The following MS4A15 variants were observed in gnomAD, a reference collection of about 807,000 sequenced individuals.
MS4A15 encodes membrane-spanning 4-domains subfamily A member 15.
A neutral mutation model predicts 20.6 loss-of-function variants in MS4A15; 22 were observed. That is an observed-to-expected ratio of 1.07 (90% CI 0.76 to 1.52). MS4A15 has a LOEUF of 1.52. Ranked by LOEUF, MS4A15 falls within the 40% of genes most tolerant of loss-of-function variation. The pLI is 0.00. For synonymous variants in MS4A15, 129 were observed against 129.3 expected (o/e 1.00, Z 0.02); for missense variants, 312 against 323.0 (o/e 0.97, Z 0.26).
At position 60,768,927 on chromosome 11, in the gene MS4A15, G is replaced by A. The variant is rs941189801; in HGVS notation, c.348+1272G>A. On this transcript the variant is annotated intron_variant, in intron 3 of 6. Transcript: ENST00000405633. ...AAAATCCACCAGAATGGGGTTCAGGGAGGACAAATGGCTGACACATCACAA... is the reference window on the plus strand; with the variant it reads ...AAAATCCACCAGAATGGGGTTCAGGAAGGACAAATGGCTGACACATCACAA... Among the ~76,000 whole-genome samples, 26 of 152,294 alleles carry A rather than the reference G, an allele frequency of 1.7e-4. 1 individual carries two copies. Among genetic ancestry groups the A allele is most frequent in the African/African-American group, 6.0e-4 (25 of 41,562 alleles).
rs147660445 is a variant in MS4A15 at position 60,770,315 on chromosome 11, TC to T, written c.349-974del. Reference sequence around the variant, plus strand: ...AGTCTTCCCCAATTAGAATATAAGTTCCGGCCGGGCACGGTGGCTGATGACT... The same window carrying T: ...AGTCTTCCCCAATTAGAATATAAGTTCGGCCGGGCACGGTGGCTGATGACT... On this transcript the variant is annotated intron_variant, in intron 3 of 6. Transcript: ENST00000405633. 2.7e-3 allele frequency among the ~76,000 whole-genome samples: 418 copies of T among 152,148 alleles called. 7 individuals are homozygous for T. The South Asian group carries it at 0.033, about 12-fold the overall frequency.
chr11:60,771,732 G>GC, intron 4 of MS4A15: 1 of 1,248,872 alleles, frequency 8.0e-7, no homozygotes. Context: ...CTGAAACCAC[G>GC]CCTGGCTCCA....
intron 1 of MS4A15, among the ~76,000 whole-genome samples, chr11:60,759,496 A>G (rs1248651336): frequency 2.6e-5 from 4 of 152,184 alleles, no homozygotes; most frequent in African/African-American, 9.7e-5. Flanking sequence ...GTGGGATTGG[A>G]AAGACCTTAC....
chr11:60,757,846 G>T (rs553700304), intron 1 of MS4A15, among the ~76,000 whole-genome samples: 1 of 152,218 alleles, frequency 6.6e-6, no homozygotes, highest in South Asian at 2.1e-4. Flanking sequence ...GACTTAGGAA[G>T]GGAGACTCTG....
chr11:60,773,599 C>A, intron 5 of MS4A15, 115 bp downstream of exon 5: 2 of 883,130 alleles, frequency 2.3e-6, no homozygotes, highest in Non-Finnish European at 3.6e-6. Flanking sequence ...GCCTGCCAGT[C>A]CCTATAGACC....
At chr11:60,762,852 A>T (rs921363931) in intron 1 of MS4A15, among the ~76,000 whole-genome samples, 1 of 152,118 alleles carries the variant, frequency 6.6e-6, no homozygotes, top group African/African-American at 2.4e-5. Flanking sequence ...TGAGAATGTA[A>T]CTCCTTGACC....
At chr11:60,774,070 A>T (rs1051732885) in intron 6 of MS4A15, 120 bp downstream of exon 6, 24 of 741,144 alleles carry the variant, frequency 3.2e-5, no homozygotes, top group Middle Eastern at 3.6e-4. Context: ...GGGAAGCAAT[A>T]AGAAGAGACA....
chr11:60,763,027 G>A (rs187993817), intron 1 of MS4A15, among the ~76,000 whole-genome samples: 47 of 152,258 alleles, frequency 3.1e-4, no homozygotes, highest in Middle Eastern at 6.8e-3. Context: ...AATACTTGGC[G>A]GACAGATGCT....
intron 4 of MS4A15, among the ~76,000 whole-genome samples, 164 bp from the exon 5 acceptor site, chr11:60,773,228 G>A (rs1268946824): frequency 5.3e-5 from 8 of 152,228 alleles, no homozygotes; most frequent in Non-Finnish European, 2.9e-5. Flanking sequence ...GAAGAGAAAA[G>A]GGGAGCAGTC....
chr11:60,764,000 T>C (rs1853819338), intron 2 of MS4A15, 42 bp downstream of exon 2: 1 of 1,538,134 alleles, frequency 6.5e-7, no homozygotes, highest in African/African-American at 1.4e-5. Context: ...AGGTAGTGAG[T>C]ATCCCAGCAC....
At chr11:60,774,895 G>A (rs1329250420) in intron 6 of MS4A15, among the ~76,000 whole-genome samples, 2 of 152,210 alleles carry the variant, frequency 1.3e-5, no homozygotes, top group African/African-American at 4.8e-5. Flanking sequence ...AAGAGGATTT[G>A]TCCAGTGCCG....
Position 60,763,693 on chromosome 11 carries a change from A to T in MS4A15, c.-28-13A>T. 1 of 1,601,746 alleles carries T rather than the reference A, an allele frequency of 6.2e-7. No individual in the cohort carries two copies. The highest frequency in any genetic ancestry group is 8.5e-7 in the Non-Finnish European group (1 of 1,170,896). ...ATGGGTGACAATCATCATTGCCATTATTATCTCCCAAGCCTTTGTTTCCCA... is the reference window on the plus strand; with the variant it reads ...ATGGGTGACAATCATCATTGCCATTTTTATCTCCCAAGCCTTTGTTTCCCA... On this transcript the variant is annotated splice_polypyrimidine_tract_variant and intron_variant, in intron 1 of 6. Coordinates refer to ENST00000405633, the MANE Select transcript of MS4A15 (RefSeq NM_001098835.2).
intron 3 of MS4A15, among the ~76,000 whole-genome samples, chr11:60,770,499 G>A (rs1402245550): frequency 2.6e-5 from 4 of 151,700 alleles, no homozygotes; most frequent in Non-Finnish European, 5.9e-5. Flanking sequence ...TTGGGAGGCT[G>A]GGGCAGGAGA....
chr11:60,763,658 C>T (rs1423405032), intron 1 of MS4A15, 48 bp from the exon 2 acceptor site: 2 of 1,520,448 alleles, frequency 1.3e-6, no homozygotes, highest in African/African-American at 1.4e-5. Flanking sequence ...AACTAAAAAG[C>T]TTTATGCACA....
chr11:60,773,529 A>G (rs1236688029), intron 5 of MS4A15, 45 bp downstream of exon 5: 1 of 1,554,442 alleles, frequency 6.4e-7, no homozygotes, highest in Non-Finnish European at 8.9e-7. Context: ...TTGGAAAATG[A>G]TGCAGCCATG....
rs778414582 is a variant in MS4A15 at position 60,775,576 on chromosome 11, CAGGACG to C, written c.613-28_613-23del. ...ACTACCCTGAAGCTCCAGCGTCCTCCAGGACGCTCAGTGCTGTTTTCTTTGCAGCCT... is the reference window on the plus strand; with the variant it reads ...ACTACCCTGAAGCTCCAGCGTCCTCCCTCAGTGCTGTTTTCTTTGCAGCCT... On this transcript the variant is annotated intron_variant, in intron 6 of 6. Transcript: ENST00000405633. 40 of 1,572,548 alleles carry C rather than the reference CAGGACG, an allele frequency of 2.5e-5. No homozygotes were observed. In the South Asian group the frequency reaches 4.2e-4, roughly 17 times the overall value.
At chr11:60,762,646 G>A (rs2134704535) in intron 1 of MS4A15, among the ~76,000 whole-genome samples, 1 of 152,218 alleles carries the variant, frequency 6.6e-6, no homozygotes, top group South Asian at 2.1e-4. Flanking sequence ...AAATGGCTCT[G>A]TGCTGTCACT....
intron 1 of MS4A15, among the ~76,000 whole-genome samples, chr11:60,758,017 T>C (rs543072228): frequency 6.6e-6 from 1 of 152,240 alleles, no homozygotes; most frequent in South Asian, 2.1e-4. Flanking sequence ...GAAATGGCTA[T>C]AAGATGACTC....
At chr11:60,769,843 C>G (rs1028418777) in intron 3 of MS4A15, among the ~76,000 whole-genome samples, 2 of 152,190 alleles carry the variant, frequency 1.3e-5, no homozygotes, top group African/African-American at 2.4e-5. Context: ...CTTCCCACCC[C>G]CATGGCCACC....
Sources: gnomAD v4.1 joint callset for allele counts (sites outside exome capture counted in the v4.1 genomes callset) on GRCh38, gnomAD v4.1.1 for gene constraint, MANE v1.5 for transcripts, NCBI Gene and HGNC (gene_info 2026-07-23, HGNC 2026-07-21) for gene names.